Variants in RPIA observed in about 807,000 individuals in gnomAD.
RPIA encodes ribose 5-phosphate isomerase A.
A neutral mutation model predicts 37.8 loss-of-function variants in RPIA; 29 were observed. The observed-to-expected ratio is 0.77, with a 90% confidence interval of 0.57 to 1.05. RPIA has a LOEUF of 1.05. Among genes scored for constraint, RPIA ranks in the 50% least tolerant of loss-of-function variants. RPIA has a pLI of 0.00. For missense variants in RPIA, 385 were observed against 413.6 expected (o/e 0.93, Z 0.60); for synonymous variants, 167 against 157.0 (o/e 1.06, Z -0.48).
At chr2:88,749,953 A>G (rs762792557) in intron 8 of RPIA, 28 bp from the exon 9 acceptor site, 6 of 1,557,574 alleles carry the variant, frequency 3.9e-6, no homozygotes, top group East Asian at 2.2e-5. Context: ...GGCTGAAACA[A>G]TGTTTCTTTC....
At chr2:88,696,560 T>C (rs1464544187) in intron 1 of RPIA, among the ~76,000 whole-genome samples, 1 of 151,970 alleles carries the variant, frequency 6.6e-6, no homozygotes, top group African/African-American at 2.4e-5. Context: ...TTGTATATCT[T>C]GTATATATAT....
intron 3 of RPIA, among the ~76,000 whole-genome samples, chr2:88,707,532 T>C (rs1191113558): frequency 6.6e-6 from 1 of 152,204 alleles, no homozygotes; most frequent in Non-Finnish European, 1.5e-5. Flanking sequence ...CAGTTACCCC[T>C]AGATACAGTT....
chr2:88,709,928 G>A lies in RPIA; in HGVS notation c.402+9864G>A, dbSNP rs752833627. On this transcript the variant is annotated intron_variant, in intron 3 of 8. Transcript: ENST00000283646. ...TAGTAGGGGCTCTAAGTTCTGCCTC[G>A]TCCTGGGGGACTAAACTACTGAAGG... Among the ~76,000 whole-genome samples, 62 of 152,150 alleles carry A rather than the reference G, an allele frequency of 4.1e-4. 1 individual carries two copies. Among genetic ancestry groups the A allele is most frequent in the Non-Finnish European group, 5.9e-4 (40 of 68,004 alleles).
intron 1 of RPIA, among the ~76,000 whole-genome samples, chr2:88,694,403 T>C (rs1481461621): frequency 6.6e-6 from 1 of 152,236 alleles, no homozygotes; most frequent in East Asian, 1.9e-4. Context: ...CTGGGGACTG[T>C]GAGTGACATG....
intron 3 of RPIA, among the ~76,000 whole-genome samples, chr2:88,713,202 C>G (rs191232081): frequency 8.6e-6 from 1 of 115,800 alleles, no homozygotes; most frequent in African/African-American, 3.4e-5. Flanking sequence ...CTCACTGTCA[C>G]CCACGCTGGA....
intron 8 of RPIA, among the ~76,000 whole-genome samples, chr2:88,741,412 A>G (rs1267301854): frequency 1.3e-5 from 2 of 152,230 alleles, no homozygotes; most frequent in South Asian, 4.1e-4. Flanking sequence ...ATGGCTGAGT[A>G]GTATTCCATG....
At chr2:88,746,214 C>A (rs959195544) in intron 8 of RPIA, among the ~76,000 whole-genome samples, 1 of 152,082 alleles carries the variant, frequency 6.6e-6, no homozygotes, top group African/African-American at 2.4e-5. Context: ...TTCTCTGGTA[C>A]CTCCTTGAGT....
At chr2:88,720,171 T>A (rs1673101528) in intron 3 of RPIA, among the ~76,000 whole-genome samples, 1 of 152,138 alleles carries the variant, frequency 6.6e-6, no homozygotes, top group Admixed American at 6.6e-5. Context: ...GCCCTGTAAC[T>A]TAATGTTACA....
chr2:88,698,084 CTT>C (rs551033597), intron 1 of RPIA, among the ~76,000 whole-genome samples: 8,905 of 137,858 alleles, frequency 0.065, 456 homozygotes, highest in African/African-American at 0.15. Context: ...TTCTTTCTTT[CTT>C]TTTTTTTTTT....
chr2:88,700,009 C>A lies in RPIA; in HGVS notation c.347C>A (p.Ala116Asp), dbSNP rs759254429. ...STIVHAVQRIAERVKQENLNL... is the reference protein window; with the variant it reads ...STIVHAVQRIDERVKQENLNL... ...GCCAATATGGCTTTTGTTTCCACAGCTGAAAGGGTGAAGCAAGAGAATCTG... is the reference window on the plus strand; with the variant it reads ...GCCAATATGGCTTTTGTTTCCACAGATGAAAGGGTGAAGCAAGAGAATCTG... Residue 116 changes from alanine (A) to aspartate (D), a missense_variant and splice_region_variant, in exon 3 of 9, where the codon GCT becomes GAT. Ala to Asp is a moderately radical substitution (Grantham distance 126, BLOSUM62 -2). Around this residue, in one of 2 missense-constraint regions of RPIA, gnomAD observed 232 missense variants for 203.0 expected, o/e 1.14. Transcript: ENST00000283646. 1 of 1,614,170 alleles carries A rather than the reference C, an allele frequency of 6.2e-7. No individual in the cohort carries two copies. Among genetic ancestry groups the A allele is most frequent in the Non-Finnish European group, 8.5e-7 (1 of 1,180,014 alleles).
At chr2:88,740,155 A>T (rs1290133350) in intron 8 of RPIA, among the ~76,000 whole-genome samples, 1 of 152,166 alleles carries the variant, frequency 6.6e-6, no homozygotes, top group East Asian at 1.9e-4. Context: ...AGGGCTCACC[A>T]ATGTGGCTGC....
At chr2:88,744,480 C>T (rs970118407) in intron 8 of RPIA, among the ~76,000 whole-genome samples, 10 of 152,046 alleles carry the variant, frequency 6.6e-5, no homozygotes, top group Non-Finnish European at 1.2e-4. Context: ...ACTTCTTAGG[C>T]GGAAAGTTCT....
intron 3 of RPIA, among the ~76,000 whole-genome samples, chr2:88,725,906 C>T (rs923731849): frequency 6.6e-6 from 1 of 152,154 alleles, no homozygotes; most frequent in Non-Finnish European, 1.5e-5. Flanking sequence ...AGTGTTCTCT[C>T]CTAGTGGGAT....
chr2:88,722,809 C>T (rs371735874), intron 3 of RPIA, among the ~76,000 whole-genome samples: 8 of 152,278 alleles, frequency 5.3e-5, no homozygotes, highest in South Asian at 4.1e-4. Flanking sequence ...ACCCCAACTG[C>T]GGTGAGTGGC....
At position 88,691,707 on chromosome 2, in the gene RPIA, C is replaced by A. The variant is rs533290865; in HGVS notation, c.9C>A (p.Arg3=). The A allele has an allele frequency of 7.6e-6, 12 of 1,577,634 alleles. No homozygotes were observed. The African/African-American group carries it at 1.5e-4, about 20-fold the overall frequency. Residue 3 remains arginine (R), a synonymous_variant, in exon 1 of 9, where the codon CGC becomes CGA. Coordinates refer to ENST00000283646, the MANE Select transcript of RPIA (RefSeq NM_144563.3). The part of the protein sequence containing the change: MQ[R]PGPFSTLYGR... ...CGGAGCGAGGCGTCGGGATGCAGCG[C>A]CCCGGGCCCTTCAGCACCCTCTACG... is the stretch of plus-strand genomic sequence containing the variant.
At chr2:88,710,514 T>G (rs529460862) in intron 3 of RPIA, among the ~76,000 whole-genome samples, 9 of 152,318 alleles carry the variant, frequency 5.9e-5, no homozygotes, top group Non-Finnish European at 1.2e-4. Flanking sequence ...TTAGAAGCTT[T>G]TAAAAACCAT....
chr2:88,743,840 C>T (rs1409484721), intron 8 of RPIA, among the ~76,000 whole-genome samples: 4 of 152,094 alleles, frequency 2.6e-5, no homozygotes, highest in African/African-American at 9.7e-5. Context: ...TTTTGTATTT[C>T]TGTGGTATTG....
chr2:88,721,058 C>T (rs952786385), intron 3 of RPIA, among the ~76,000 whole-genome samples: 15 of 152,078 alleles, frequency 9.9e-5, no homozygotes, highest in Non-Finnish European at 2.1e-4. Flanking sequence ...AGTTCATGTC[C>T]TTTGCAGGGA....
chr2:88,735,856 T>A, intron 6 of RPIA, 119 bp downstream of exon 6: 1 of 966,418 alleles, frequency 1.0e-6, no homozygotes, highest in South Asian at 1.3e-5. Context: ...TTTCTGAGAC[T>A]GATGGCTAGG....
Sources: allele counts gnomAD v4.1 joint callset (sites outside exome capture counted in the v4.1 genomes callset), GRCh38; gene constraint gnomAD v4.1.1; regional missense constraint gnomAD v4.1.1; transcripts MANE v1.5; gene names NCBI Gene and HGNC (gene_info 2026-07-23, HGNC 2026-07-21).